CDK8: variants seen among roughly 807,000 people sequenced by gnomAD.
CDK8 encodes the protein cyclin dependent kinase 8.
A neutral mutation model predicts 71.5 loss-of-function variants in CDK8; 29 were observed. The ratio of observed to expected loss-of-function variants is 0.41; its 90% CI spans 0.30 to 0.55. The LOEUF is 0.55. Ranked by LOEUF, CDK8 falls within the 20% of genes least tolerant of loss-of-function variation. CDK8 has a pLI of 0.37. For missense variants in CDK8, 288 were observed against 572.6 expected, an observed-to-expected ratio of 0.50 and a Z score of 5.07; for synonymous variants, 161 against 192.1, an observed-to-expected ratio of 0.84 and a Z score of 1.34.
In CDK8 at chr13:26,294,790, G is replaced by A. The variant is rs116013175; in HGVS notation, c.128+40021G>A. 6.7e-3 allele frequency among the ~76,000 whole-genome samples: 1,022 copies of A among 152,002 alleles called. 16 individuals carry two copies. The highest frequency in any genetic ancestry group is 0.023 in the African/African-American group (939 of 41,478). On this transcript the variant is annotated intron_variant, in intron 1 of 12. Transcript: ENST00000381527. ...TTTTTGAGAGGAGTCTTGCTCCGTCGCCAGGCTGGAGTGCTGTGGTATGAT... is the reference window on the plus strand; with the variant it reads ...TTTTTGAGAGGAGTCTTGCTCCGTCACCAGGCTGGAGTGCTGTGGTATGAT...
At chr13:26,327,942 G>A in intron 1 of CDK8, among the ~76,000 whole-genome samples, 1 of 147,310 alleles carries the variant, frequency 6.8e-6, no homozygotes, top group Non-Finnish European at 1.5e-5. Flanking sequence ...TAAGGCCCAA[G>A]AACATATATT....
intron 1 of CDK8, among the ~76,000 whole-genome samples, chr13:26,333,141 C>G (rs898586373): frequency 4.6e-5 from 7 of 151,606 alleles, no homozygotes; most frequent in African/African-American, 1.7e-4. Context: ...AATTATATAC[C>G]TTCTTTTTTT....
intron 9 of CDK8, among the ~76,000 whole-genome samples, chr13:26,398,357 A>G (rs1036099306): frequency 2.6e-5 from 4 of 152,158 alleles, no homozygotes; most frequent in African/African-American, 9.6e-5. Flanking sequence ...ACTTAGGGGA[A>G]TTATTATTCT....
At chr13:26,337,411 T>C (rs1873040407) in intron 1 of CDK8, among the ~76,000 whole-genome samples, 156 bp from the exon 2 acceptor site, 1 of 152,186 alleles carries the variant, frequency 6.6e-6, no homozygotes, top group African/African-American at 2.4e-5. Context: ...CTGGACTAGG[T>C]TGTCTGAAAA....
chr13:26,352,278 G>C (rs1873712616), intron 3 of CDK8, among the ~76,000 whole-genome samples: 1 of 151,894 alleles, frequency 6.6e-6, no homozygotes, highest in African/African-American at 2.4e-5. Flanking sequence ...AGCGGTGGCA[G>C]GATCTCCACT....
chr13:26,267,516 A>T (rs1872075386), intron 1 of CDK8, among the ~76,000 whole-genome samples: 1 of 152,174 alleles, frequency 6.6e-6, no homozygotes, highest in Non-Finnish European at 1.5e-5. Flanking sequence ...GTATGGGTAG[A>T]CTTCAAAATT....
At chr13:26,381,391 TC>T (rs1423777590) in intron 4 of CDK8, among the ~76,000 whole-genome samples, 1 of 152,126 alleles carries the variant, frequency 6.6e-6, no homozygotes, top group Non-Finnish European at 1.5e-5. Context: ...ATTTTATTTG[TC>T]CTGGGTAGCA....
At chr13:26,371,100 A>G (rs191839985) in intron 4 of CDK8, among the ~76,000 whole-genome samples, 1 of 152,280 alleles carries the variant, frequency 6.6e-6, no homozygotes, top group East Asian at 1.9e-4. Flanking sequence ...CCATCCCCTG[A>G]ACCCCCAGCC....
intron 1 of CDK8, among the ~76,000 whole-genome samples, chr13:26,263,321 G>T (rs1871863289): frequency 6.6e-6 from 1 of 151,962 alleles, no homozygotes; most frequent in African/African-American, 2.4e-5. Context: ...ATTTTTAGTA[G>T]AGACAGGGTT....
intron 1 of CDK8, among the ~76,000 whole-genome samples, chr13:26,299,103 C>T (rs1279040930): frequency 6.6e-6 from 1 of 152,202 alleles, no homozygotes; most frequent in Non-Finnish European, 1.5e-5. Context: ...ACATAATGAT[C>T]AGTCAGGGCA....
At chr13:26,275,259 A>C (rs1214054747) in intron 1 of CDK8, among the ~76,000 whole-genome samples, 1 of 152,168 alleles carries the variant, frequency 6.6e-6, no homozygotes, top group Admixed American at 6.5e-5. Flanking sequence ...AGTTTTTCTT[A>C]TCCATTTATT....
chr13:26,295,163 C>G (rs1374955556), intron 1 of CDK8, among the ~76,000 whole-genome samples: 1 of 152,072 alleles, frequency 6.6e-6, no homozygotes, highest in Non-Finnish European at 1.5e-5. Context: ...TGTATTAATA[C>G]TTAAGAGTAA....
At chr13:26,393,901 T>C (rs1373959040) in intron 7 of CDK8, among the ~76,000 whole-genome samples, 4 of 152,220 alleles carry the variant, frequency 2.6e-5, no homozygotes, top group Non-Finnish European at 4.4e-5. Context: ...CTGCCACTAT[T>C]TGGCATTCAA....
intron 1 of CDK8, among the ~76,000 whole-genome samples, chr13:26,322,675 T>C (rs1185428216): frequency 1.3e-5 from 2 of 152,156 alleles, no homozygotes; most frequent in East Asian, 1.9e-4. Flanking sequence ...ATATTGAAAA[T>C]AGCAAAATTT....
At chr13:26,399,275 G>A (rs1876143453) in intron 9 of CDK8, among the ~76,000 whole-genome samples, 2 of 152,268 alleles carry the variant, frequency 1.3e-5, no homozygotes, top group African/African-American at 4.8e-5. Context: ...CTCCCAAAGT[G>A]CTGGGATTAC....
chr13:26,294,999 G>A (rs1873479319), intron 1 of CDK8, among the ~76,000 whole-genome samples: 3 of 152,076 alleles, frequency 2.0e-5, no homozygotes, highest in Admixed American at 2.0e-4. Flanking sequence ...CTGCCCCTCG[G>A]CCTCCCAAAG....
chr13:26,329,140 AAAATTCCCTTTACC>A (rs1355021227), intron 1 of CDK8, among the ~76,000 whole-genome samples: 2 of 152,148 alleles, frequency 1.3e-5, no homozygotes, highest in African/African-American at 4.8e-5. Context: ...ATGTCTTTTA[AAAATTCCCTTTACC>A]ATAGTTTAAA....
At chr13:26,266,194 A>G (rs1872011250) in intron 1 of CDK8, among the ~76,000 whole-genome samples, 1 of 152,216 alleles carries the variant, frequency 6.6e-6, no homozygotes, top group South Asian at 2.1e-4. Context: ...ACTTTCAGGT[A>G]CCTGTTAAAC....
At chr13:26,302,260 A>G (rs1593250144) in intron 1 of CDK8, among the ~76,000 whole-genome samples, 1 of 152,360 alleles carries the variant, frequency 6.6e-6, no homozygotes, top group South Asian at 2.1e-4. Flanking sequence ...CAAAAGAGAA[A>G]TTGTGAATTC....
Sources: allele counts gnomAD v4.1 joint callset (sites outside exome capture counted in the v4.1 genomes callset), GRCh38; gene constraint gnomAD v4.1.1; transcripts MANE v1.5; gene names NCBI Gene and HGNC (gene_info 2026-07-23, HGNC 2026-07-21).